Variants in KLRC3 observed in about 807,000 individuals in gnomAD.
KLRC3 encodes NKG2-E type II integral membrane protein.
KLRC3 carries 16 observed loss-of-function variants against 23.6 expected under a neutral mutation model. That is an observed-to-expected ratio of 0.68 (90% CI 0.46 to 1.03). The LOEUF is 1.03. KLRC3 is among the 50% of genes least tolerant of loss of function. KLRC3 has a pLI of 0.00. For missense variants in KLRC3, 209 were observed against 232.2 expected, an observed-to-expected ratio of 0.90 and a Z score of 0.65; for synonymous variants, 70 against 71.8, an observed-to-expected ratio of 0.98 and a Z score of 0.13.
intron 4 of KLRC3, among the ~76,000 whole-genome samples, chr12:10,417,600 C>T (rs1263526525): frequency 6.6e-6 from 1 of 152,030 alleles, no homozygotes; most frequent in Non-Finnish European, 1.5e-5. Flanking sequence ...GAAAGTGCTT[C>T]CTTCTCATAC....
At chr12:10,412,988 C>T (rs1028354051) in intron 6 of KLRC3, among the ~76,000 whole-genome samples, 2 of 152,098 alleles carry the variant, frequency 1.3e-5, no homozygotes, top group South Asian at 4.1e-4. Flanking sequence ...CATATGAATG[C>T]ATTCACACAC....
At chr12:10,416,627 C>A in intron 5 of KLRC3, 40 bp downstream of exon 5, 1 of 1,570,516 alleles carries the variant, frequency 6.4e-7, no homozygotes, top group Non-Finnish European at 8.6e-7. Flanking sequence ...TGAATTTATC[C>A]TTTATATTTT....
chr12:10,416,797 A>T, intron 4 of KLRC3, 30 bp from the exon 5 acceptor site: 1 of 1,509,780 alleles, frequency 6.6e-7, no homozygotes, highest in Non-Finnish European at 8.9e-7. Flanking sequence ...TTTCACTTAA[A>T]TAATAATTAT....
chr12:10,417,675 C>A (rs536576565), intron 4 of KLRC3, among the ~76,000 whole-genome samples: 1 of 152,278 alleles, frequency 6.6e-6, no homozygotes, highest in Admixed American at 6.5e-5. Context: ...TACCAATGCA[C>A]CATCCAGGGT....
intron 3 of KLRC3, 123 bp from the exon 4 acceptor site, chr12:10,418,621 A>G (rs181755884): frequency 8.6e-7 from 1 of 1,158,626 alleles, no homozygotes; most frequent in Non-Finnish European, 1.2e-6. Flanking sequence ...TTACAGGCTT[A>G]TAAGTATATA....
chr12:10,413,206 C>A (rs949978139), intron 6 of KLRC3, among the ~76,000 whole-genome samples: 1 of 152,112 alleles, frequency 6.6e-6, no homozygotes, highest in Non-Finnish European at 1.5e-5. Flanking sequence ...ATTTTACCTA[C>A]AACAGAAGTC....
rs189031325 is a variant in KLRC3 at position 10,416,013 on chromosome 12, G to C, written c.588-219C>G. On this transcript the variant is annotated intron_variant, in intron 5 of 6. Coordinates refer to ENST00000396439, the MANE Select transcript of KLRC3 (RefSeq NM_002261.3). ...AAGACCCCACTGAATGTCTGAAATA[G>C]TACAGAACCTATAGAGAGATTATGT... Among the ~76,000 whole-genome samples the C allele has an allele frequency of 3.6e-3, 555 of 152,254 alleles. 2 individuals are homozygous for C. The highest frequency in any genetic ancestry group is 0.013 in the African/African-American group (529 of 41,554).
Position 10,417,070 on chromosome 12 carries a change from T to A in KLRC3, c.487-303A>T, listed in dbSNP as rs561125413. ...TCTCCAGATACTGTGACTAAATCAATCTATTTTTGTGCTATATTTCTCAGA... is the reference window on the plus strand; with the variant it reads ...TCTCCAGATACTGTGACTAAATCAAACTATTTTTGTGCTATATTTCTCAGA... On this transcript the variant is annotated intron_variant, in intron 4 of 6. Transcript: ENST00000396439. Among the ~76,000 whole-genome samples, 10 of 152,028 alleles carry A rather than the reference T, an allele frequency of 6.6e-5. No individual in the cohort carries two copies. In the South Asian group the frequency reaches 2.1e-3, roughly 31 times the overall value.
rs753822334 is a variant in KLRC3, at chr12:10,416,617, T to G, written c.587+50A>C. 15 of 1,551,808 alleles carry G rather than the reference T, an allele frequency of 9.7e-6. No homozygotes were observed. In the African/African-American group the frequency reaches 1.8e-4, roughly 19 times the overall value. ...CATAGATTTATTCATATTATTCTTC[T>G]GAATTTATCCTTTATATTTTTTTAT... On this transcript the variant is annotated intron_variant, in intron 5 of 6. Transcript: ENST00000396439.
intron 4 of KLRC3, among the ~76,000 whole-genome samples, chr12:10,417,865 C>G (rs1863668468): frequency 6.6e-6 from 1 of 152,176 alleles, no homozygotes; most frequent in Admixed American, 6.5e-5. Flanking sequence ...ACATGAAATT[C>G]ACACTGTATA....
chr12:10,412,992 C>G (rs1863594316), intron 6 of KLRC3, among the ~76,000 whole-genome samples: 2 of 152,084 alleles, frequency 1.3e-5, no homozygotes, highest in African/African-American at 4.8e-5. Flanking sequence ...TGAATGCATT[C>G]ACACACATAT....
At chr12:10,413,721 T>G (rs1430951910) in intron 6 of KLRC3, among the ~76,000 whole-genome samples, 6 of 152,204 alleles carry the variant, frequency 3.9e-5, no homozygotes, top group African/African-American at 7.2e-5. Flanking sequence ...GTTGGTGTGC[T>G]GCACCCATCA....
chr12:10,417,207 A>T (rs1863657281), intron 4 of KLRC3, among the ~76,000 whole-genome samples: 1 of 151,724 alleles, frequency 6.6e-6, no homozygotes, highest in Non-Finnish European at 1.5e-5. Context: ...TAAGCCCTCA[A>T]TTTTTATCCG....
intron 2 of KLRC3, chr12:10,419,446 C>T (rs1237293925): frequency 2.8e-6 from 1 of 352,824 alleles, no homozygotes; most frequent in Non-Finnish European, 5.5e-6. Context: ...AACACATGTT[C>T]TCTACAATGA....
At chr12:10,417,218 A>G (rs1384134715) in intron 4 of KLRC3, among the ~76,000 whole-genome samples, 2 of 151,822 alleles carry the variant, frequency 1.3e-5, no homozygotes, top group East Asian at 3.9e-4. Context: ...TTTTTATCCG[A>G]TTCGGTTTTT....
chr12:10,416,529 T>A (rs1863646348), intron 5 of KLRC3, 138 bp downstream of exon 5: 9 of 1,099,420 alleles, frequency 8.2e-6, no homozygotes, highest in Non-Finnish European at 1.1e-5. Flanking sequence ...TATGGTCTAT[T>A]GTAAAATATT....
chr12:10,415,627 T>C, intron 6 of KLRC3, 77 bp downstream of exon 6: 1 of 1,598,104 alleles, frequency 6.3e-7, no homozygotes, highest in Non-Finnish European at 8.5e-7. Context: ...CATAATATCA[T>C]TTCTGTTTGA....
At chr12:10,418,848 G>A (rs1426861290) in intron 3 of KLRC3, among the ~76,000 whole-genome samples, 196 bp downstream of exon 3, 3 of 151,988 alleles carry the variant, frequency 2.0e-5, no homozygotes, top group African/African-American at 7.2e-5. Flanking sequence ...GGGAGAAAGA[G>A]GGTAGAATGA....
At chr12:10,413,024 C>A (rs1863594667) in intron 6 of KLRC3, among the ~76,000 whole-genome samples, 1 of 152,076 alleles carries the variant, frequency 6.6e-6, no homozygotes, top group Non-Finnish European at 1.5e-5. Flanking sequence ...TACTCAATTT[C>A]AATGTAGTAC....
Sources: allele counts gnomAD v4.1 joint callset (sites outside exome capture counted in the v4.1 genomes callset), GRCh38; gene constraint gnomAD v4.1.1; transcripts MANE v1.5; gene names NCBI Gene and HGNC (gene_info 2026-07-23, HGNC 2026-07-21).